Variants in LDB2 observed in about 807,000 individuals in gnomAD.
LDB2 encodes the protein LIM domain-binding protein 2.
A neutral mutation model predicts 44.3 loss-of-function variants in LDB2; 12 were observed. The ratio of observed to expected loss-of-function variants is 0.27; its 90% CI spans 0.17 to 0.44. LDB2 has a LOEUF of 0.44. LDB2 is among the 20% of genes least tolerant of loss of function. LDB2 has a pLI of 1.00. For missense variants in LDB2, 344 were observed against 473.5 expected, an observed-to-expected ratio of 0.73 and a Z score of 2.54; for synonymous variants, 164 against 174.8, an observed-to-expected ratio of 0.94 and a Z score of 0.49.
intron 1 of LDB2, among the ~76,000 whole-genome samples, chr4:16,777,365 G>A (rs929917031): frequency 1.3e-5 from 2 of 152,052 alleles, no homozygotes; most frequent in African/African-American, 4.8e-5. Context: ...GATTTGGTCA[G>A]CCGACATGAG....
At position 16,521,734 on chromosome 4, in the gene LDB2, G is replaced by C. The variant is rs76576897; in HGVS notation, c.616-9630C>G. On this transcript the variant is annotated intron_variant, in intron 5 of 7. Transcript: ENST00000304523. ...TCTTCTAGCCCCAGGAGTGGCAATTGCTAATCTTAGTGCTTCCTCATCTTC... is the reference window on the plus strand; with the variant it reads ...TCTTCTAGCCCCAGGAGTGGCAATTCCTAATCTTAGTGCTTCCTCATCTTC... Among the ~76,000 whole-genome samples the C allele has an allele frequency of 9.5e-3, 1,439 of 152,232 alleles. 140 individuals carry two copies. The East Asian group carries it at 0.21, about 23-fold the overall frequency.
intron 5 of LDB2, among the ~76,000 whole-genome samples, chr4:16,539,501 G>A (rs1733022535): frequency 6.6e-6 from 1 of 152,116 alleles, no homozygotes; most frequent in Non-Finnish European, 1.5e-5. Flanking sequence ...TGATGATAGT[G>A]GTGATAATGA....
chr4:16,596,276 C>A (rs1157260320), intron 2 of LDB2, among the ~76,000 whole-genome samples: 4 of 151,548 alleles, frequency 2.6e-5, no homozygotes, highest in Non-Finnish European at 5.9e-5. Flanking sequence ...GGCCAGTTAC[C>A]CAGTCATGTT....
intron 5 of LDB2, among the ~76,000 whole-genome samples, chr4:16,529,015 A>G (rs1343385360): frequency 6.6e-6 from 1 of 152,154 alleles, no homozygotes; most frequent in Non-Finnish European, 1.5e-5. Context: ...AAAAATGATG[A>G]CTATAAAACT....
At chr4:16,784,372 AT>A (rs752315923) in intron 1 of LDB2, among the ~76,000 whole-genome samples, 4 of 152,202 alleles carry the variant, frequency 2.6e-5, no homozygotes. Context: ...GGGGCTGGTA[AT>A]TCCACCTTGA....
chr4:16,628,158 CT>C (rs1730827972), intron 2 of LDB2, among the ~76,000 whole-genome samples: 1 of 152,170 alleles, frequency 6.6e-6, no homozygotes, highest in South Asian at 2.1e-4. Flanking sequence ...TGCCTAGTAC[CT>C]CTTCTTTTAA....
At chr4:16,723,609 C>T (rs1243246957) in intron 2 of LDB2, among the ~76,000 whole-genome samples, 1 of 152,102 alleles carries the variant, frequency 6.6e-6, no homozygotes, top group Admixed American at 6.6e-5. Context: ...CCATCTTATA[C>T]CTCCAAACTG....
At chr4:16,627,833 C>A (rs1489168462) in intron 2 of LDB2, among the ~76,000 whole-genome samples, 1 of 152,170 alleles carries the variant, frequency 6.6e-6, no homozygotes, top group Non-Finnish European at 1.5e-5. Flanking sequence ...CTGTGGCTTC[C>A]ATCATGGGTG....
chr4:16,840,561 C>A (rs368446187), intron 1 of LDB2, among the ~76,000 whole-genome samples: 1 of 152,148 alleles, frequency 6.6e-6, no homozygotes, highest in Non-Finnish European at 1.5e-5. Context: ...GTACAGAAGT[C>A]GTTTGGGATC....
intron 2 of LDB2, among the ~76,000 whole-genome samples, chr4:16,695,291 C>T (rs1016621820): frequency 3.9e-5 from 6 of 152,022 alleles, no homozygotes; most frequent in African/African-American, 4.8e-5. Flanking sequence ...AATCCCAGCA[C>T]TTTGGGCGGT....
intron 2 of LDB2, among the ~76,000 whole-genome samples, chr4:16,754,699 T>C (rs1766163031): frequency 6.6e-6 from 1 of 151,892 alleles, no homozygotes; most frequent in African/African-American, 2.4e-5. Flanking sequence ...GCCCAGCCAA[T>C]TTTTGTATTT....
intron 2 of LDB2, among the ~76,000 whole-genome samples, chr4:16,680,469 T>C (rs564973100): frequency 6.6e-6 from 1 of 152,280 alleles, no homozygotes; most frequent in African/African-American, 2.4e-5. Flanking sequence ...AATAGTAAAA[T>C]AATCACCATT....
rs1717835556 is a variant in LDB2 at position 16,502,691 on chromosome 4, G to A, written c.1074C>T (p.Ala358=). The A allele has an allele frequency of 1.9e-6, 3 of 1,613,902 alleles. No individual in the cohort carries two copies. Among genetic ancestry groups the A allele is most frequent in the Non-Finnish European group, 2.5e-6 (3 of 1,179,820 alleles). The change falls in exon 8 of 8, where the codon GCC becomes GCT. Residue 358 remains alanine (A), a synonymous_variant. Transcript: ENST00000304523. ...GGTTTTCTGATTTGGTCTCTTGAGT[G>A]GCGGGAGGTTTACTGTTCCACGGGC... The part of the protein sequence containing the change: ...NNSPWNSKPP[A]TQETKSENPP...
intron 5 of LDB2, among the ~76,000 whole-genome samples, chr4:16,565,058 A>T (rs1744002956): frequency 6.6e-6 from 1 of 151,666 alleles, no homozygotes; most frequent in South Asian, 2.1e-4. Context: ...AAAGGAGTGG[A>T]TTTTTTTTTA....
intron 2 of LDB2, among the ~76,000 whole-genome samples, chr4:16,602,685 A>AT (rs1408171411): frequency 2.0e-5 from 3 of 152,096 alleles, no homozygotes; most frequent in Non-Finnish European, 4.4e-5. Context: ...ATAAATAGGC[A>AT]TTTTTTCTTC....
chr4:16,551,446 C>A (rs1418977298), intron 5 of LDB2, among the ~76,000 whole-genome samples: 1 of 152,100 alleles, frequency 6.6e-6, no homozygotes, highest in African/African-American at 2.4e-5. Context: ...CCAAATGGAC[C>A]AACTCCATGA....
chr4:16,783,236 C>T (rs997837130), intron 1 of LDB2, among the ~76,000 whole-genome samples: 1 of 152,170 alleles, frequency 6.6e-6, no homozygotes, highest in Non-Finnish European at 1.5e-5. Flanking sequence ...TGTCTGAGGC[C>T]GGAAGAGCTC....
At chr4:16,782,613 G>T (rs959088922) in intron 1 of LDB2, among the ~76,000 whole-genome samples, 2 of 152,126 alleles carry the variant, frequency 1.3e-5, no homozygotes, top group African/African-American at 2.4e-5. Flanking sequence ...GCCTCCCAAA[G>T]TGTTGGCATT....
At chr4:16,649,627 C>T (rs1458768483) in intron 2 of LDB2, among the ~76,000 whole-genome samples, 1 of 152,270 alleles carries the variant, frequency 6.6e-6, no homozygotes, top group East Asian at 1.9e-4. Flanking sequence ...ACTCACTAGC[C>T]CTTAACTTCT....
Sources: gnomAD v4.1 joint callset for allele counts (sites outside exome capture counted in the v4.1 genomes callset) on GRCh38, gnomAD v4.1.1 for gene constraint, MANE v1.5 for transcripts, NCBI Gene and HGNC (gene_info 2026-07-23, HGNC 2026-07-21) for gene names.